Variants in FAAP100 observed in about 807,000 individuals in gnomAD.
FAAP100 encodes Fanconi anemia core complex-associated protein 100.
A neutral mutation model predicts 65.8 loss-of-function variants in FAAP100; 46 were observed. The observed-to-expected ratio is 0.70, with a 90% confidence interval of 0.55 to 0.89. The LOEUF (loss-of-function observed/expected upper bound fraction) is 0.89. FAAP100 is among the 40% of genes least tolerant of loss of function. The pLI is 0.00. For synonymous variants in FAAP100, 663 were observed against 555.1 expected (o/e 1.19, Z -2.73); for missense variants, 1,165 against 1,196.7 (o/e 0.97, Z 0.39).
rs148482736 is a variant in FAAP100 at position 81,550,999 on chromosome 17, C to G, written c.495G>C (p.Arg165=). Residue 165 remains arginine (R), a synonymous_variant, in exon 3 of 9, where the codon CGG becomes CGC. Transcript: ENST00000327787. The part of the protein sequence containing the change: ...FEQPCPGEDP[R]PGGQIGEVEL... ...CCACCTCACCGATCTGGCCTCCTGGCCGGGGGTCCTCCCCAGGACAGGGCT... is the reference window on the plus strand; with the variant it reads ...CCACCTCACCGATCTGGCCTCCTGGGCGGGGGTCCTCCCCAGGACAGGGCT... 7.8e-5 allele frequency: 125 copies of G among 1,611,524 alleles called. 1 individual carries two copies. The highest frequency in any genetic ancestry group is 1.3e-5 in the Non-Finnish European group (15 of 1,179,442).
chr17:81,547,200 G>A lies in FAAP100; in HGVS notation c.1882C>T (p.Pro628Ser). ...DSEDPFLDEC[P>S]SDVLPEQEGV... ...TCTTGCTCGGGCAGGACGTCGGAGG[G>A]GCACTCATCCAGAAAGGGGTCCTCA... The change falls in exon 5 of 9, where the codon CCC becomes TCC. Residue 628 changes from proline (P) to serine (S), a missense_variant. Coordinates refer to ENST00000327787, the MANE Select transcript of FAAP100 (RefSeq NM_025161.6). 2 of 1,562,734 alleles carry A rather than the reference G, an allele frequency of 1.3e-6. No homozygotes were observed. The highest frequency in any genetic ancestry group is 1.7e-6 in the Non-Finnish European group (2 of 1,151,924).
chr17:81,541,130 C>A (rs568043485), intron 8 of FAAP100, among the ~76,000 whole-genome samples, 179 bp downstream of exon 8: 180 of 152,316 alleles, frequency 1.2e-3, no homozygotes, highest in African/African-American at 4.1e-3. Context: ...CACCCAGCCC[C>A]TCAAGTAGGA....
Position 81,540,105 on chromosome 17 carries a change from G to A in FAAP100, c.*714C>T, listed in dbSNP as rs960862398. 5.0e-6 allele frequency: 2 copies of A among 398,374 alleles called. No homozygotes were observed. Among genetic ancestry groups the A allele is most frequent in the Non-Finnish European group, 8.9e-6 (2 of 225,898 alleles). The allele number at this position is 398,374 out of a possible 1,614,324, so 24.7% of individuals were successfully genotyped here. On this transcript the variant is annotated 3_prime_UTR_variant, in exon 9 of 9. Coordinates refer to ENST00000327787, the MANE Select transcript of FAAP100 (RefSeq NM_025161.6). ...CCGGGCCACAGCGCCACCCTGAGTG[G>A]CCCTGAAAATAGTGCACAGTGCTGG...
intron 4 of FAAP100, 94 bp from the exon 5 acceptor site, chr17:81,547,772 C>T: frequency 6.9e-7 from 1 of 1,444,082 alleles, no homozygotes; most frequent in Admixed American, 1.7e-5. Flanking sequence ...CCGAGCCTGG[C>T]TCCACGACAA....
chr17:81,552,282 GGCA>G lies in FAAP100; in HGVS notation c.46_48del (p.Cys16del), dbSNP rs1320976847. 2.0e-6 allele frequency: 3 copies of G among 1,464,370 alleles called. No homozygotes were observed. Among genetic ancestry groups the G allele is most frequent in the Non-Finnish European group, 2.7e-6 (3 of 1,115,380 alleles). 90.7% of individuals were successfully genotyped at this position (1,464,370 alleles called of 1,614,324 possible). On this transcript the variant is annotated inframe_deletion, in exon 1 of 9. Coordinates refer to ENST00000327787, the MANE Select transcript of FAAP100 (RefSeq NM_025161.6). Reference sequence around the variant, plus strand: ...TTGCCCGCCGCCAGGCCCCCGAGAGGGCAGCAGAAGCCCGCCAGGTAGCGGACC... The same window carrying G: ...TTGCCCGCCGCCAGGCCCCCGAGAGGGCAGAAGCCCGCCAGGTAGCGGACC...
At position 81,550,540 on chromosome 17, in the gene FAAP100, G is replaced by A. The variant is rs111682181; in HGVS notation, c.954C>T (p.His318=). The change falls in exon 3 of 9, where the codon CAC becomes CAT. Residue 318 remains histidine, a synonymous_variant. Transcript: ENST00000327787. The part of the protein sequence containing the change: ...HCDCLVAFGH[H]GRMLAIKASW... ...TGGCCTTGATGGCCAGCATCCGGCCGTGGTGACCAAAGGCCACCAGGCAGT... is the reference window on the plus strand; with the variant it reads ...TGGCCTTGATGGCCAGCATCCGGCCATGGTGACCAAAGGCCACCAGGCAGT... The A allele has an allele frequency of 1.6e-3, 2,537 of 1,612,858 alleles. 16 individuals carry two copies. The African/African-American group carries it at 0.018, about 11-fold the overall frequency.
intron 7 of FAAP100, 115 bp from the exon 8 acceptor site, chr17:81,541,510 ACCCCT>A: frequency 1.2e-6 from 1 of 836,906 alleles, no homozygotes; most frequent in Non-Finnish European, 2.0e-6. Flanking sequence ...CCTGCCTGGC[ACCCCT>A]CCCCACCCCA....
chr17:81,547,216 G>A lies in FAAP100; in HGVS notation c.1866C>T (p.Pro622=), dbSNP rs774147436. The change falls in exon 5 of 9, where the codon CCC becomes CCT. Residue 622 remains proline (P), a synonymous_variant. Transcript: ENST00000327787. ...CGTCGGAGGGGCACTCATCCAGAAAGGGGTCCTCAGAGTCTGAGGGGGCAA... is the reference window on the plus strand; with the variant it reads ...CGTCGGAGGGGCACTCATCCAGAAAAGGGTCCTCAGAGTCTGAGGGGGCAA... The part of the protein sequence containing the change: ...GALAPSDSED[P]FLDECPSDVL... The A allele has an allele frequency of 1.8e-5, 29 of 1,570,562 alleles. No homozygotes were observed. The South Asian group carries it at 3.2e-4, about 17-fold the overall frequency.
At chr17:81,542,901 T>A (rs1371296982) in intron 7 of FAAP100, among the ~76,000 whole-genome samples, 1 of 152,230 alleles carries the variant, frequency 6.6e-6, no homozygotes, top group Non-Finnish European at 1.5e-5. Context: ...CAGAGTTTCC[T>A]CTGACAGGCA....
intron 6 of FAAP100, among the ~76,000 whole-genome samples, chr17:81,545,189 G>A (rs2033255370): frequency 6.6e-6 from 1 of 152,218 alleles, no homozygotes; most frequent in Non-Finnish European, 1.5e-5. Context: ...AAAACCAAGT[G>A]CAGACTCTGA....
chr17:81,542,700 C>T (rs1020884614), intron 7 of FAAP100, among the ~76,000 whole-genome samples: 3 of 152,238 alleles, frequency 2.0e-5, no homozygotes, highest in Admixed American at 6.5e-5. Context: ...GCCCTAGTGC[C>T]AGCACTCAGA....
intron 7 of FAAP100, among the ~76,000 whole-genome samples, chr17:81,542,980 C>T (rs987302611): frequency 2.0e-5 from 3 of 152,192 alleles, no homozygotes; most frequent in African/African-American, 7.2e-5. Flanking sequence ...CCCAGGCAGC[C>T]CCATCGTGGT....
rs1272251264 is a variant in FAAP100 at position 81,547,782 on chromosome 17, A to G, written c.1404-104T>C. ...AGGCACCGAGCCTGGCTCCACGACA[A>G]GCACACGGTGGGTGTGGAGCCACGC... is the stretch of plus-strand genomic sequence containing the variant. On this transcript the variant is annotated intron_variant, in intron 4 of 8. Coordinates refer to ENST00000327787, the MANE Select transcript of FAAP100 (RefSeq NM_025161.6). 4 of 1,378,390 alleles carry G rather than the reference A, an allele frequency of 2.9e-6. No homozygotes were observed. The African/African-American group carries it at 5.7e-5, about 20-fold the overall frequency. 85.4% of individuals were successfully genotyped at this position (1,378,390 alleles called of 1,614,324 possible). A position where few individuals can be genotyped will look rare whatever the true frequency, so the allele number is the denominator to read the frequency against.
At chr17:81,543,982 C>T in intron 7 of FAAP100, 22 bp downstream of exon 7, 2 of 1,597,408 alleles carry the variant, frequency 1.3e-6, no homozygotes, top group Non-Finnish European at 1.7e-6. Context: ...TCCTGGCCAC[C>T]TTCCCCAGCG....
At chr17:81,541,020 G>A (rs2033074906) in intron 8 of FAAP100, 70 bp from the exon 9 acceptor site, 5 of 1,468,404 alleles carry the variant, frequency 3.4e-6, no homozygotes, top group Non-Finnish European at 2.7e-6. Context: ...ACCTCTGGGG[G>A]ACCCACCACT....
In FAAP100 at chr17:81,550,635, C is replaced by T; in HGVS notation, c.859G>A (p.Ala287Thr). 1 of 1,613,032 alleles carries T rather than the reference C, an allele frequency of 6.2e-7. No individual in the cohort carries two copies. Among genetic ancestry groups the T allele is most frequent in the Non-Finnish European group, 8.5e-7 (1 of 1,179,986 alleles). Residue 287 changes from alanine to threonine, a missense_variant, in exon 3 of 9, where the codon GCC becomes ACC. Transcript: ENST00000327787. ...HLEEPVIFIG[A>T]LKTEPQAAEA... ...GCAGCCTGTGGCTCTGTCTTCAAGG[C>T]CCCTATGAAGATGACGGGCTCCTCC...
rs1190461265 is a variant in FAAP100 at position 81,540,564 on chromosome 17, GGA to G, written c.*253_*254del. 32 of 457,488 alleles carry G rather than the reference GGA, an allele frequency of 7.0e-5. No homozygotes were observed. 28.3% of individuals were successfully genotyped at this position (457,488 alleles called of 1,614,324 possible). A position where few individuals can be genotyped will look rare whatever the true frequency, so the allele number is the denominator to read the frequency against. On this transcript the variant is annotated 3_prime_UTR_variant, in exon 9 of 9. Transcript: ENST00000327787. ...AGGGGCTGCGGCCGCGGTCAGAGAA[GGA>G]GAGACACCAGCAGAGGACGCGAAGC...
At chr17:81,544,452 A>G (rs886814879) in intron 6 of FAAP100, among the ~76,000 whole-genome samples, 1 of 152,114 alleles carries the variant, frequency 6.6e-6, no homozygotes, top group Admixed American at 6.5e-5. Context: ...ACTGTGACAC[A>G]CCTTGTGGAC....
chr17:81,547,411 G>C lies in FAAP100; in HGVS notation c.1671C>G (p.Asp557Glu). 6.2e-7 allele frequency: 1 copy of C among 1,612,918 alleles called. No individual in the cohort carries two copies. Among genetic ancestry groups the C allele is most frequent in the Non-Finnish European group, 8.5e-7 (1 of 1,180,026 alleles). ...VLTSSCALDL[D>E]SACSAITYTI... ...TGTAGGTGATGGCGGAGCAGGCCGA[G>C]TCCAGGTCGAGAGCACAGGAGCTGG... The change falls in exon 5 of 9, where the codon GAC (aspartate) becomes GAG (glutamate). Residue 557 changes from aspartate to glutamate, a missense_variant. Coordinates refer to ENST00000327787, the MANE Select transcript of FAAP100 (RefSeq NM_025161.6).
Sources: allele counts gnomAD v4.1 joint callset (sites outside exome capture counted in the v4.1 genomes callset), GRCh38; gene constraint gnomAD v4.1.1; transcripts MANE v1.5; gene names NCBI Gene and HGNC (gene_info 2026-07-23, HGNC 2026-07-21).